RBFOX3: variants seen among roughly 807,000 people sequenced by gnomAD.
The protein encoded by RBFOX3 is RNA binding fox-1 homolog 3.
Under a neutral mutation model 48.7 loss-of-function variants are expected in RBFOX3, and 17 were observed. The ratio of observed to expected loss-of-function variants is 0.35; its 90% CI spans 0.24 to 0.52. The LOEUF is 0.52. Ranked by LOEUF, RBFOX3 falls within the 20% of genes least tolerant of loss-of-function variation. RBFOX3 has a pLI of 0.94. For synonymous variants in RBFOX3, 212 were observed against 209.5 expected (o/e 1.01, Z -0.10); for missense variants, 382 against 497.5 (o/e 0.77, Z 2.21).
chr17:79,435,342 G>A (rs543861698), intron 2 of RBFOX3, among the ~76,000 whole-genome samples: 2 of 152,190 alleles, frequency 1.3e-5, no homozygotes, highest in Non-Finnish European at 2.9e-5. Flanking sequence ...GCTTTAAAGG[G>A]GGGAGAAGGA....
intron 2 of RBFOX3, among the ~76,000 whole-genome samples, chr17:79,368,499 G>A (rs2124606): frequency 0.68 from 103,518 of 152,152 alleles, 36,187 homozygotes; most frequent in Admixed American, 0.78. Context: ...GGAGTCAGTC[G>A]TGGGTTCCAC....
chr17:79,117,132 C>T (rs973001321), intron 4 of RBFOX3, among the ~76,000 whole-genome samples: 1 of 152,218 alleles, frequency 6.6e-6, no homozygotes, highest in Non-Finnish European at 1.5e-5. Context: ...CAGACACAGC[C>T]TGGGGCCCAG....
chr17:79,522,184 A>C (rs999990544), intron 1 of RBFOX3, among the ~76,000 whole-genome samples: 9 of 152,258 alleles, frequency 5.9e-5, no homozygotes, highest in Non-Finnish European at 2.9e-5. Flanking sequence ...CCACTCTCCA[A>C]GTCTCCACCT....
At chr17:79,569,431 G>T (rs982094497) in intron 1 of RBFOX3, among the ~76,000 whole-genome samples, 1 of 152,146 alleles carries the variant, frequency 6.6e-6, no homozygotes, top group Non-Finnish European at 1.5e-5. Context: ...CTATGGCTAC[G>T]CACTATTCCA....
Position 79,204,839 on chromosome 17 carries a change from A to G in RBFOX3, c.-34+30927T>C, listed in dbSNP as rs1031535382. ...CATCAGAGGCAAGTTGGAATTAAAT[A>G]CCACCGTGGTCAGCCAGGCTTTGGA... On this transcript the variant is annotated intron_variant, in intron 4 of 14. Coordinates refer to ENST00000693108, the MANE Select transcript of RBFOX3 (RefSeq NM_001350451.2). The surrounding 1 kb of genome is among the most constrained non-coding windows in gnomAD (Gnocchi z 4.5). Among the ~76,000 whole-genome samples the G allele has an allele frequency of 5.3e-5, 8 of 152,172 alleles. No individual in the cohort carries two copies. Among genetic ancestry groups the G allele is most frequent in the African/African-American group, 1.7e-4 (7 of 41,436 alleles).
chr17:79,516,677 G>A lies in RBFOX3; in HGVS notation c.-319-34079C>T, dbSNP rs950773988. 9.1e-4 allele frequency among the ~76,000 whole-genome samples: 138 copies of A among 152,334 alleles called. 1 individual carries two copies. Among genetic ancestry groups the A allele is most frequent in the African/African-American group, 2.8e-3 (116 of 41,578 alleles). ...ACTCAGATGAGAAGCTAGGAGCAGC[G>A]AGATGGAGCCACAGACTTGGGGCCT... On this transcript the variant is annotated intron_variant, in intron 1 of 14. Transcript: ENST00000693108.
chr17:79,645,584 A>G, the RBFOX3 span, among the ~76,000 whole-genome samples: 1 of 152,006 alleles, frequency 6.6e-6, no homozygotes, highest in Admixed American at 6.6e-5. Flanking sequence ...TACACTTGCC[A>G]CTGGGTCTGC....
the RBFOX3 span, among the ~76,000 whole-genome samples, chr17:79,633,487 T>A: frequency 6.6e-6 from 1 of 152,144 alleles, no homozygotes; most frequent in African/African-American, 2.4e-5. Flanking sequence ...AGGGCCCTGG[T>A]CTCATGGATG....
chr17:79,151,319 C>G (rs536748280), intron 4 of RBFOX3, among the ~76,000 whole-genome samples: 19 of 148,422 alleles, frequency 1.3e-4, no homozygotes, highest in Non-Finnish European at 2.1e-4. Context: ...CCCCACGGGA[C>G]GCGTGGTCCC....
chr17:79,541,318 G>A (rs2089662135), intron 1 of RBFOX3, among the ~76,000 whole-genome samples: 1 of 152,158 alleles, frequency 6.6e-6, no homozygotes, highest in South Asian at 2.1e-4. Flanking sequence ...AGATAAAAAT[G>A]AGCTCTCAGA....
At chr17:79,300,024 C>T (rs975443679) in intron 3 of RBFOX3, among the ~76,000 whole-genome samples, 28 of 152,244 alleles carry the variant, frequency 1.8e-4, no homozygotes, top group African/African-American at 5.1e-4. Flanking sequence ...CCCAACTCAG[C>T]CTCCCGAGTG....
At chr17:79,344,090 T>C (rs2146761091) in intron 2 of RBFOX3, among the ~76,000 whole-genome samples, 1 of 152,344 alleles carries the variant, frequency 6.6e-6, no homozygotes, top group Non-Finnish European at 1.5e-5. Flanking sequence ...TAGTGTGGGC[T>C]ACATGCACCC....
At chr17:79,537,731 TC>T (rs782147228) in intron 1 of RBFOX3, among the ~76,000 whole-genome samples, 4 of 152,118 alleles carry the variant, frequency 2.6e-5, no homozygotes, top group East Asian at 3.9e-4. Flanking sequence ...CCCCCAAGGC[TC>T]CCAGCTCCAA....
At chr17:79,438,688 G>A (rs1390304664) in intron 2 of RBFOX3, among the ~76,000 whole-genome samples, 3 of 152,338 alleles carry the variant, frequency 2.0e-5, no homozygotes, top group East Asian at 3.9e-4. Flanking sequence ...AGCAGGGGCC[G>A]TGCCTACAAT....
intron 3 of RBFOX3, among the ~76,000 whole-genome samples, chr17:79,258,354 C>T (rs760998150): frequency 1.3e-5 from 2 of 152,176 alleles, no homozygotes; most frequent in Non-Finnish European, 2.9e-5. Context: ...AAACCCTACT[C>T]AATACTCCTG....
chr17:79,329,674 C>A (rs1056718004), intron 2 of RBFOX3, among the ~76,000 whole-genome samples: 12 of 152,292 alleles, frequency 7.9e-5, no homozygotes, highest in African/African-American at 2.6e-4. Flanking sequence ...AGGCCCCCCA[C>A]CCCGGCCTAA....
intron 2 of RBFOX3, among the ~76,000 whole-genome samples, chr17:79,357,998 G>A (rs975071255): frequency 1.1e-4 from 17 of 151,798 alleles, no homozygotes; most frequent in Admixed American, 1.1e-3. Context: ...TGTCACTGGA[G>A]TACAGTGGCA....
intron 3 of RBFOX3, among the ~76,000 whole-genome samples, chr17:79,269,911 G>T (rs555260091): frequency 1.3e-5 from 2 of 152,184 alleles, no homozygotes; most frequent in East Asian, 3.9e-4. Context: ...TTATCCACCT[G>T]CCCACACTGC....
chr17:79,332,632 A>G (rs1298569058), intron 2 of RBFOX3, among the ~76,000 whole-genome samples: 1 of 151,692 alleles, frequency 6.6e-6, no homozygotes, highest in Non-Finnish European at 1.5e-5. Flanking sequence ...AGACAAAGAG[A>G]GACAGAGATG....
Sources: allele counts gnomAD v4.1 joint callset (sites outside exome capture counted in the v4.1 genomes callset), GRCh38; gene constraint gnomAD v4.1.1; non-coding constraint Gnocchi (gnomAD v3.1); transcripts MANE v1.5; gene names NCBI Gene and HGNC (gene_info 2026-07-23, HGNC 2026-07-21).